The following ZFAT variants were observed in gnomAD, a reference collection of about 807,000 sequenced individuals.
The protein encoded by ZFAT is zinc finger and AT-hook domain containing, also known as zinc finger protein ZFAT.
A neutral mutation model predicts 117.7 loss-of-function variants in ZFAT; 64 were observed. The observed-to-expected ratio is 0.54, with a 90% confidence interval of 0.44 to 0.67. ZFAT has a LOEUF of 0.67. Among genes scored for constraint, ZFAT ranks in the 30% least tolerant of loss-of-function variants. The probability of loss-of-function intolerance (pLI) is 0.00; values close to 1 mark genes in which losing one functional copy is unlikely to be tolerated. For missense variants in ZFAT, 1,433 were observed against 1,584.5 expected, an observed-to-expected ratio of 0.90 and a Z score of 1.62; for synonymous variants, 679 against 615.0, an observed-to-expected ratio of 1.10 and a Z score of -1.54.
In ZFAT at chr8:134,565,405, G is replaced by A; in HGVS notation, c.2904C>T (p.Cys968=). 5.0e-6 allele frequency: 8 copies of A among 1,613,576 alleles called. No homozygotes were observed. The highest frequency in any genetic ancestry group is 6.8e-6 in the Non-Finnish European group (8 of 1,179,780). ...LHTADGKQFK[C]TVCDYTAAQK... ...GGGCCGCTGTGTAGTCACACACCGT[G>A]CACTTAAACTGCTTCCCTGGAAAGA... Residue 968 remains cysteine, a synonymous_variant, in exon 11 of 16, where the codon TGC becomes TGT. Transcript: ENST00000377838.
intron 2 of ZFAT, chr8:134,639,871 C>T (rs1256303273): frequency 8.5e-5 from 37 of 435,122 alleles, no homozygotes; most frequent in South Asian, 4.3e-4. Context: ...TCTGCCATCC[C>T]GCAGACACAA....
At chr8:134,776,993 C>A in the ZFAT span, among the ~76,000 whole-genome samples, 1 of 152,078 alleles carries the variant, frequency 6.6e-6, no homozygotes, top group African/African-American at 2.4e-5. Flanking sequence ...ACAGAGAAAC[C>A]CCACATATTC....
intron 3 of ZFAT, among the ~76,000 whole-genome samples, chr8:134,612,460 G>T (rs1828412105): frequency 1.3e-5 from 2 of 152,208 alleles, no homozygotes; most frequent in South Asian, 4.1e-4. Context: ...TAAAATGGAG[G>T]AGTATTCTTT....
intron 1 of ZFAT, among the ~76,000 whole-genome samples, chr8:134,704,131 G>A (rs1290146182): frequency 6.6e-6 from 1 of 152,122 alleles, no homozygotes; most frequent in Non-Finnish European, 1.5e-5. Flanking sequence ...TCCCCCCAGG[G>A]CCCCTTTTCC....
chr8:134,646,448 A>G (rs1032075299), intron 2 of ZFAT, among the ~76,000 whole-genome samples: 43 of 152,190 alleles, frequency 2.8e-4, no homozygotes, highest in African/African-American at 9.4e-4. Flanking sequence ...TATTGCCTAC[A>G]TTAGAAAAAA....
At chr8:134,754,388 C>T in the ZFAT span, among the ~76,000 whole-genome samples, 1 of 152,154 alleles carries the variant, frequency 6.6e-6, no homozygotes, top group African/African-American at 2.4e-5. Context: ...TGTCAAATTT[C>T]AGAGCTGGAT....
intron 3 of ZFAT, among the ~76,000 whole-genome samples, chr8:134,626,337 G>T (rs761284108): frequency 1.3e-5 from 2 of 152,234 alleles, no homozygotes; most frequent in African/African-American, 4.8e-5. Flanking sequence ...GCTTGAGCTG[G>T]AAAGTCCAAG....
At chr8:134,590,555 C>T (rs1007663961) in intron 7 of ZFAT, among the ~76,000 whole-genome samples, 200 bp from the exon 8 acceptor site, 27 of 102,094 alleles carry the variant, frequency 2.6e-4, no homozygotes, top group African/African-American at 7.3e-4. Context: ...CAGTCATCAC[C>T]ACCATCACTA....
intron 11 of ZFAT, among the ~76,000 whole-genome samples, chr8:134,534,626 G>C (rs1286580991): frequency 6.7e-6 from 1 of 148,566 alleles, no homozygotes; most frequent in Non-Finnish European, 1.5e-5. Context: ...GGGAGAGAGA[G>C]GACAGGGGGA....
chr8:134,683,601 C>G (rs980893271), intron 1 of ZFAT, among the ~76,000 whole-genome samples: 5 of 152,132 alleles, frequency 3.3e-5, no homozygotes, highest in African/African-American at 7.2e-5. Flanking sequence ...GAACCAAGAG[C>G]CTTGCCTGTT....
chr8:134,758,374 C>T, the ZFAT span, among the ~76,000 whole-genome samples: 4 of 152,222 alleles, frequency 2.6e-5, no homozygotes, highest in South Asian at 8.3e-4. Flanking sequence ...CACTTGGGTT[C>T]AACTCTCCAC....
intron 11 of ZFAT, among the ~76,000 whole-genome samples, chr8:134,560,894 A>T (rs1224104033): frequency 1.3e-5 from 2 of 152,244 alleles, no homozygotes; most frequent in African/African-American, 4.8e-5. Flanking sequence ...TTGTTTAGAG[A>T]ATCCTAGTTC....
intron 10 of ZFAT, 130 bp from the exon 11 acceptor site, chr8:134,565,551 A>G (rs767255465): frequency 3.4e-6 from 3 of 877,668 alleles, no homozygotes; most frequent in African/African-American, 1.7e-5. Context: ...TCAGAAGGGA[A>G]CAGCGACGAG....
At chr8:134,532,755 A>G in intron 12 of ZFAT, 79 bp downstream of exon 12, 5 of 1,545,222 alleles carry the variant, frequency 3.2e-6, no homozygotes, top group Non-Finnish European at 3.5e-6. Flanking sequence ...GAACTGCAGG[A>G]TGTCAGCAGC....
At chr8:134,768,501 C>T in the ZFAT span, among the ~76,000 whole-genome samples, 1 of 152,178 alleles carries the variant, frequency 6.6e-6, no homozygotes. Context: ...AATGGACTTA[C>T]AGTTCCACAT....
intron 7 of ZFAT, 143 bp from the exon 8 acceptor site, chr8:134,590,498 C>A: frequency 1.6e-6 from 1 of 625,292 alleles, no homozygotes; most frequent in Admixed American, 2.5e-5. Flanking sequence ...CCACCACCAT[C>A]ACATCACCAT....
At chr8:134,820,439 G>A in the ZFAT span, among the ~76,000 whole-genome samples, 2 of 152,344 alleles carry the variant, frequency 1.3e-5, no homozygotes, top group East Asian at 3.9e-4. Flanking sequence ...ACAGCACCTT[G>A]AGTGATGCCA....
intron 1 of ZFAT, among the ~76,000 whole-genome samples, chr8:134,693,298 G>C (rs541737834): frequency 6.6e-6 from 1 of 152,174 alleles, no homozygotes; most frequent in South Asian, 2.1e-4. Context: ...TCACAAAAGC[G>C]GGGGCACGCT....
At chr8:134,626,712 T>A (rs1160284946) in intron 3 of ZFAT, among the ~76,000 whole-genome samples, 1 of 152,232 alleles carries the variant, frequency 6.6e-6, no homozygotes, top group Non-Finnish European at 1.5e-5. Context: ...AGTTTGCTCA[T>A]CCAGGCCCAC....
Sources: gnomAD v4.1 joint callset for allele counts (sites outside exome capture counted in the v4.1 genomes callset) on GRCh38, gnomAD v4.1.1 for gene constraint, MANE v1.5 for transcripts, NCBI Gene and HGNC (gene_info 2026-07-23, HGNC 2026-07-21) for gene names.